Variants in MACROD2 observed in about 807,000 individuals in gnomAD.
The protein encoded by MACROD2 is ADP-ribose glycohydrolase MACROD2.
MACROD2 carries 36 observed loss-of-function variants against 70.4 expected under a neutral mutation model. The observed-to-expected ratio is 0.51, with a 90% CI of 0.39 to 0.68. The LOEUF (loss-of-function observed/expected upper bound fraction) is 0.68, where lower values mean the gene tolerates loss of function less well. Among genes scored for constraint, MACROD2 ranks in the 30% least tolerant of loss-of-function variants. MACROD2 has a pLI of 0.00. For missense variants in MACROD2, 496 were observed against 538.4 expected, an observed-to-expected ratio of 0.92 and a Z score of 0.78; for synonymous variants, 172 against 178.8, an observed-to-expected ratio of 0.96 and a Z score of 0.30.
intron 8 of MACROD2, among the ~76,000 whole-genome samples, chr20:15,568,123 CTG>C (rs1237782778): frequency 6.6e-6 from 1 of 152,190 alleles, no homozygotes. Context: ...AGGAAAAGCC[CTG>C]TGTTTCCTGT....
At chr20:15,615,024 T>C (rs1444774075) in intron 8 of MACROD2, among the ~76,000 whole-genome samples, 1 of 152,202 alleles carries the variant, frequency 6.6e-6, no homozygotes, top group Non-Finnish European at 1.5e-5. Flanking sequence ...GTATGGGGAA[T>C]GGCCCCTAAA....
At chr20:15,521,756 A>T (rs551145419) in intron 8 of MACROD2, among the ~76,000 whole-genome samples, 1 of 152,390 alleles carries the variant, frequency 6.6e-6, no homozygotes, top group African/African-American at 2.4e-5. Flanking sequence ...TAATTGCAGT[A>T]TTTTAAAGAA....
chr20:15,654,168 C>T (rs751216823), intron 8 of MACROD2, among the ~76,000 whole-genome samples: 11 of 152,156 alleles, frequency 7.2e-5, no homozygotes, highest in Non-Finnish European at 1.5e-4. Flanking sequence ...TATAAAAGCA[C>T]ATACCATGCA....
intron 3 of MACROD2, chr20:14,128,354 A>T (rs2148697270): frequency 1.3e-5 from 2 of 156,654 alleles, no homozygotes; most frequent in East Asian, 3.7e-4. Flanking sequence ...TGCCTTCATT[A>T]TGGAAATACA....
At chr20:14,185,934 CT>C (rs2081340674) in intron 3 of MACROD2, among the ~76,000 whole-genome samples, 1 of 151,958 alleles carries the variant, frequency 6.6e-6, no homozygotes, top group African/African-American at 2.4e-5. Context: ...TTTTTTGAAA[CT>C]TTTAAAAACT....
intron 8 of MACROD2, among the ~76,000 whole-genome samples, chr20:15,736,237 C>A (rs531232539): frequency 2.0e-5 from 3 of 152,176 alleles, no homozygotes; most frequent in African/African-American, 4.8e-5. Flanking sequence ...TGGAATGACC[C>A]ACATCCACAC....
intron 8 of MACROD2, among the ~76,000 whole-genome samples, chr20:15,684,114 A>AT (rs2050195740): frequency 1.3e-5 from 2 of 152,120 alleles, no homozygotes; most frequent in Non-Finnish European, 1.5e-5. Context: ...ATTTTCTTCT[A>AT]TCCCATTCCT....
At chr20:15,238,992 T>C (rs2077037487) in intron 6 of MACROD2, among the ~76,000 whole-genome samples, 1 of 152,172 alleles carries the variant, frequency 6.6e-6, no homozygotes, top group Non-Finnish European at 1.5e-5. Context: ...GCTTTATTTT[T>C]CCCTGACCTG....
At chr20:15,431,509 TA>T in intron 7 of MACROD2, 74 bp downstream of exon 7, 1 of 1,370,502 alleles carries the variant, frequency 7.3e-7, no homozygotes, top group Non-Finnish European at 1.0e-6. Context: ...AGTGAAAAAA[TA>T]AGAGGTTCTC....
intron 3 of MACROD2, among the ~76,000 whole-genome samples, chr20:14,275,326 G>T (rs1047158141): frequency 2.0e-5 from 3 of 152,022 alleles, no homozygotes; most frequent in Non-Finnish European, 4.4e-5. Context: ...AAATAACGTC[G>T]CATATCTGCA....
At chr20:14,345,167 G>C (rs1202850913) in intron 3 of MACROD2, among the ~76,000 whole-genome samples, 1 of 152,246 alleles carries the variant, frequency 6.6e-6, no homozygotes, top group East Asian at 1.9e-4. Flanking sequence ...TAAAACATTT[G>C]CCTGAATTAT....
At position 16,041,218 on chromosome 20, in the gene MACROD2, C is replaced by T. The variant is rs1161016576; in HGVS notation, c.1171C>T (p.Pro391Ser). 3 of 1,611,934 alleles carry T rather than the reference C, an allele frequency of 1.9e-6. No individual in the cohort carries two copies. In the Admixed American group the frequency reaches 5.0e-5, roughly 27 times the overall value. Residue 391 changes from proline to serine, a missense_variant, in exon 16 of 18, where the codon CCT becomes TCT. By Grantham distance (74) the Pro-to-Ser change is moderately conservative (BLOSUM62 -1). Coordinates refer to ENST00000684519, the MANE Select transcript of MACROD2 (RefSeq NM_001351661.2). ...TCTTCCAGCTCCAGGCGAGGACACACCTAGGATGCCTGGGAAAAGTGAAGG... is the reference window on the plus strand; with the variant it reads ...TCTTCCAGCTCCAGGCGAGGACACATCTAGGATGCCTGGGAAAAGTGAAGG... The part of the protein sequence containing the change: ...EGEKAPGEDT[P>S]RMPGKSEGSS...
intron 4 of MACROD2, among the ~76,000 whole-genome samples, chr20:14,553,868 C>A (rs1481222281): frequency 6.6e-6 from 1 of 152,144 alleles, no homozygotes; most frequent in Admixed American, 6.5e-5. Flanking sequence ...TTATTTCCTT[C>A]CATGGTCTAA....
At chr20:14,245,760 G>A (rs1013864488) in intron 3 of MACROD2, among the ~76,000 whole-genome samples, 2 of 152,096 alleles carry the variant, frequency 1.3e-5, no homozygotes, top group African/African-American at 4.8e-5. Flanking sequence ...TCATTGTCCT[G>A]TTCCCATTGC....
intron 4 of MACROD2, among the ~76,000 whole-genome samples, chr20:14,541,221 G>A (rs965732609): frequency 6.6e-6 from 1 of 152,016 alleles, no homozygotes; most frequent in Non-Finnish European, 1.5e-5. Context: ...ACTCTGAAAG[G>A]GGAGCACACA....
chr20:15,896,622 A>G (rs1463072387), intron 10 of MACROD2, among the ~76,000 whole-genome samples: 1 of 151,854 alleles, frequency 6.6e-6, no homozygotes, highest in East Asian at 1.9e-4. Context: ...TTTTTGAAGG[A>G]AGAAATATTG....
In MACROD2 at chr20:14,645,817, TTC is replaced by T. The variant is rs1172506865; in HGVS notation, c.302-39020_302-39019del. ...AGACAGTAATAACAGAGAGATCACA[TTC>T]TCTCTGTAATTTATTTTAATGCCAT... On this transcript the variant is annotated intron_variant, in intron 4 of 17. Coordinates refer to ENST00000684519, the MANE Select transcript of MACROD2 (RefSeq NM_001351661.2). Among the ~76,000 whole-genome samples, 4 of 152,106 alleles carry T rather than the reference TTC, an allele frequency of 2.6e-5. No homozygotes were observed. The East Asian group carries it at 7.7e-4, about 29-fold the overall frequency.
chr20:15,066,651 G>A (rs2075577859), intron 5 of MACROD2, among the ~76,000 whole-genome samples: 3 of 151,884 alleles, frequency 2.0e-5, no homozygotes, highest in Non-Finnish European at 1.5e-5. Flanking sequence ...AGGCCGAGGC[G>A]GGTAGATTGA....
chr20:15,720,062 G>A (rs1161648647), intron 8 of MACROD2, among the ~76,000 whole-genome samples: 1 of 151,994 alleles, frequency 6.6e-6, no homozygotes, highest in Non-Finnish European at 1.5e-5. Flanking sequence ...TCTGCTTTCT[G>A]TGTCTGCTTA....
Sources: allele counts gnomAD v4.1 joint callset (sites outside exome capture counted in the v4.1 genomes callset), GRCh38; gene constraint gnomAD v4.1.1; transcripts MANE v1.5; gene names NCBI Gene and HGNC (gene_info 2026-07-23, HGNC 2026-07-21).